The following OTOGL variants were observed in gnomAD, a reference collection of about 807,000 sequenced individuals.
OTOGL encodes otogelin-like protein.
Under a neutral mutation model 318.5 loss-of-function variants are expected in OTOGL, and 285 were observed. The ratio of observed to expected loss-of-function variants is 0.89; its 90% CI spans 0.81 to 0.99. The LOEUF (loss-of-function observed/expected upper bound fraction) is 0.99, where lower values mean the gene tolerates loss of function less well. Ranked by LOEUF, OTOGL falls within the 50% of genes least tolerant of loss-of-function variation. OTOGL has a pLI of 0.00. For synonymous variants in OTOGL, 987 were observed against 936.5 expected (o/e 1.05, Z -0.99); for missense variants, 2,899 against 2,845.6 (o/e 1.02, Z -0.43).
Position 80,233,030 on chromosome 12 carries a change from G to C in OTOGL, c.750G>C (p.Lys250Asn). 6 of 1,598,736 alleles carry C rather than the reference G, an allele frequency of 3.8e-6. No individual in the cohort carries two copies. The highest frequency in any genetic ancestry group is 5.1e-6 in the Non-Finnish European group (6 of 1,179,120). Residue 250 changes from lysine (K) to asparagine (N), a missense_variant, in exon 9 of 59, where the codon AAG (lysine) becomes AAC (asparagine). Physicochemically the swap from Lys to Asn is moderately conservative, Grantham distance 94. Around this residue, in one of 3 missense-constraint regions of OTOGL, gnomAD observed 2,607 missense variants for 2,524.9 expected, o/e 1.03. Coordinates refer to ENST00000547103, the MANE Select transcript of OTOGL (RefSeq NM_001378609.3). ...GIYLKLSEDH[K>N]GKSCGLCGNY... Reference sequence around the variant, plus strand: ...ACCTCAAGCTGTCTGAGGACCATAAGGGGAAATCATGTGGCCTATGTGGAA... The same window carrying C: ...ACCTCAAGCTGTCTGAGGACCATAACGGGAAATCATGTGGCCTATGTGGAA...
chr12:80,144,505 G>T (rs372518711), intron 1 of OTOGL, among the ~76,000 whole-genome samples: 1 of 147,638 alleles, frequency 6.8e-6, no homozygotes, highest in Non-Finnish European at 1.5e-5. Flanking sequence ...GAATAGTGCC[G>T]CAATAAACAT....
intron 12 of OTOGL, 72 bp from the exon 13 acceptor site, chr12:80,252,000 AAAAT>A: frequency 2.9e-6 from 4 of 1,385,550 alleles, no homozygotes; most frequent in Non-Finnish European, 3.8e-6. Context: ...TTTTTTGTAA[AAAAT>A]AAAATTATAA....
intron 1 of OTOGL, among the ~76,000 whole-genome samples, chr12:80,109,680 G>A (rs1592458966): frequency 1.3e-5 from 2 of 152,128 alleles, no homozygotes; most frequent in South Asian, 4.1e-4. Context: ...ACACCTGATT[G>A]GCCAGATCCA....
chr12:80,182,182 A>G (rs928409586), intron 1 of OTOGL, among the ~76,000 whole-genome samples: 6 of 152,166 alleles, frequency 3.9e-5, no homozygotes, highest in African/African-American at 1.2e-4. Context: ...GGGTAAAAAA[A>G]TTAAAGAGAC....
In OTOGL at chr12:80,196,261, G is replaced by GT. The variant is rs530947114; in HGVS notation, c.-19-13151dup. ...ATTTGTACCCTCTGTTTAAAATGCA[G>GT]TCAATGCAATTTTTCCCAGGGACAG... On this transcript the variant is annotated intron_variant, in intron 1 of 58. Transcript: ENST00000547103. 2.2e-3 allele frequency among the ~76,000 whole-genome samples: 334 copies of GT among 152,238 alleles called. 3 individuals carry two copies. Among genetic ancestry groups the GT allele is most frequent in the Admixed American group, 3.0e-3 (46 of 15,300 alleles).
chr12:80,374,904 A>C (rs949072486), intron 57 of OTOGL, among the ~76,000 whole-genome samples: 3 of 152,124 alleles, frequency 2.0e-5, no homozygotes, highest in Non-Finnish European at 4.4e-5. Flanking sequence ...TCCTCACAAC[A>C]GTTCTGGAAG....
At chr12:80,286,020 G>A (rs1254571849) in intron 26 of OTOGL, among the ~76,000 whole-genome samples, 2 of 152,104 alleles carry the variant, frequency 1.3e-5, no homozygotes, top group East Asian at 3.8e-4. Flanking sequence ...GTCATAAATA[G>A]CATTTATTAT....
intron 1 of OTOGL, among the ~76,000 whole-genome samples, chr12:80,161,761 A>C (rs1157378882): frequency 6.6e-6 from 1 of 152,136 alleles, no homozygotes; most frequent in East Asian, 1.9e-4. Context: ...GGGAGCTCAA[A>C]TATTAAAGCC....
intron 43 of OTOGL, among the ~76,000 whole-genome samples, chr12:80,339,923 C>T (rs1185020400): frequency 6.6e-6 from 1 of 152,060 alleles, no homozygotes; most frequent in African/African-American, 2.4e-5. Context: ...AATACTGGCT[C>T]TGGTGTCTGC....
intron 29 of OTOGL, among the ~76,000 whole-genome samples, chr12:80,309,742 G>A (rs1166636867): frequency 6.6e-6 from 1 of 152,190 alleles, no homozygotes; most frequent in Admixed American, 6.5e-5. Flanking sequence ...AATGAATGTG[G>A]ATAGTCGGGG....
chr12:80,176,318 A>C (rs1874523660), intron 1 of OTOGL, among the ~76,000 whole-genome samples: 1 of 152,218 alleles, frequency 6.6e-6, no homozygotes, highest in Admixed American at 6.6e-5. Flanking sequence ...CAACTTATTA[A>C]GCCATCACCA....
At chr12:80,267,800 A>G (rs997097460) in intron 22 of OTOGL, among the ~76,000 whole-genome samples, 4 of 152,044 alleles carry the variant, frequency 2.6e-5, no homozygotes, top group African/African-American at 9.7e-5. Flanking sequence ...ATACATGCAT[A>G]TATGACATTT....
intron 55 of OTOGL, among the ~76,000 whole-genome samples, chr12:80,369,070 G>T (rs1809998845): frequency 1.3e-5 from 2 of 151,738 alleles, no homozygotes; most frequent in South Asian, 2.1e-4. Context: ...GTACAAATCA[G>T]TATTTGTTCC....
intron 1 of OTOGL, among the ~76,000 whole-genome samples, chr12:80,148,238 G>A (rs1872537665): frequency 6.8e-6 from 1 of 146,798 alleles, no homozygotes; most frequent in African/African-American, 2.5e-5. Flanking sequence ...AGCTCTTGTA[G>A]GGCAGGTCCG....
At chr12:80,285,410 C>A (rs57797933) in intron 26 of OTOGL, among the ~76,000 whole-genome samples, 2 of 151,706 alleles carry the variant, frequency 1.3e-5, no homozygotes, top group East Asian at 1.9e-4. Flanking sequence ...TCTAATTCTG[C>A]GAAGAAAGTT....
intron 22 of OTOGL, 80 bp downstream of exon 22, chr12:80,267,407 AT>A (rs67970112): frequency 3.7e-5 from 23 of 627,092 alleles, no homozygotes; most frequent in East Asian, 1.9e-4. Context: ...ATATATATAT[AT>A]TTTTTTATTA....
intron 1 of OTOGL, among the ~76,000 whole-genome samples, chr12:80,117,809 C>T (rs770475675): frequency 3.3e-5 from 5 of 152,164 alleles, no homozygotes; most frequent in African/African-American, 4.8e-5. Flanking sequence ...ACAAGCTTTG[C>T]TTTCTTAACT....
At chr12:80,122,346 T>C (rs532028591) in intron 1 of OTOGL, among the ~76,000 whole-genome samples, 1 of 152,302 alleles carries the variant, frequency 6.6e-6, no homozygotes, top group South Asian at 2.1e-4. Flanking sequence ...CATACTGGAA[T>C]AATCAATGAA....
intron 14 of OTOGL, among the ~76,000 whole-genome samples, 195 bp from the exon 15 acceptor site, chr12:80,254,329 T>C (rs186263412): frequency 1.3e-5 from 2 of 151,354 alleles, no homozygotes; most frequent in Admixed American, 6.6e-5. Flanking sequence ...CAATTGAACT[T>C]ATGCAGAGAT....
Sources: gnomAD v4.1 joint callset for allele counts (sites outside exome capture counted in the v4.1 genomes callset) on GRCh38, gnomAD v4.1.1 for gene constraint, gnomAD v4.1.1 regional missense constraint, MANE v1.5 for transcripts, NCBI Gene and HGNC (gene_info 2026-07-23, HGNC 2026-07-21) for gene names.